The following TNFSF15 variants were observed in gnomAD, a reference collection of about 807,000 sequenced individuals.
TNFSF15 encodes TNF superfamily member 15.
A neutral mutation model predicts 26.4 loss-of-function variants in TNFSF15; 15 were observed. The ratio of observed to expected loss-of-function variants is 0.57; its 90% confidence interval spans 0.38 to 0.87. TNFSF15 has a LOEUF of 0.87. Among genes scored for constraint, TNFSF15 ranks in the 40% least tolerant of loss-of-function variants. The pLI, the probability that TNFSF15 is intolerant of heterozygous loss-of-function variation, is 0.00. For synonymous variants in TNFSF15, 116 were observed against 115.0 expected, an observed-to-expected ratio of 1.01 and a Z score of -0.06; for missense variants, 290 against 306.1, an observed-to-expected ratio of 0.95 and a Z score of 0.39.
chr9:114,793,996 C>T (rs1459019665), intron 1 of TNFSF15, among the ~76,000 whole-genome samples: 1 of 152,222 alleles, frequency 6.6e-6, no homozygotes. Flanking sequence ...TTCTCCTTTT[C>T]ATCAGCCTCA....
At chr9:114,805,098 T>G (rs1022174742) in intron 1 of TNFSF15, among the ~76,000 whole-genome samples, 3 of 152,190 alleles carry the variant, frequency 2.0e-5, no homozygotes, top group Non-Finnish European at 4.4e-5. Flanking sequence ...ATATTCTTTT[T>G]CTGACTAGGC....
intron 1 of TNFSF15, among the ~76,000 whole-genome samples, chr9:114,805,522 C>G (rs144532788): frequency 1.0e-3 from 154 of 152,082 alleles, no homozygotes; most frequent in African/African-American, 3.5e-3. Flanking sequence ...TAAAAAGAAT[C>G]TTCCCAAATT....
At chr9:114,796,707 A>T (rs1242628450) in intron 1 of TNFSF15, among the ~76,000 whole-genome samples, 1 of 152,218 alleles carries the variant, frequency 6.6e-6, no homozygotes, top group Non-Finnish European at 1.5e-5. Flanking sequence ...AATACCCTGC[A>T]TCTGTGATGT....
intron 1 of TNFSF15, among the ~76,000 whole-genome samples, chr9:114,798,206 G>A (rs941434586): frequency 1.3e-5 from 2 of 152,190 alleles, no homozygotes; most frequent in African/African-American, 4.8e-5. Context: ...AGGAGCCAGA[G>A]TCAGAAAAGC....
intron 1 of TNFSF15, among the ~76,000 whole-genome samples, chr9:114,797,800 C>G (rs1445334850): frequency 6.6e-6 from 1 of 152,184 alleles, no homozygotes; most frequent in African/African-American, 2.4e-5. Context: ...CATATCTTTT[C>G]AAACCACTGG....
intron 1 of TNFSF15, among the ~76,000 whole-genome samples, chr9:114,795,404 A>C (rs551572199): frequency 5.3e-5 from 8 of 152,294 alleles, no homozygotes; most frequent in African/African-American, 1.9e-4. Flanking sequence ...GATTCAACCA[A>C]CTGTGGATCA....
At chr9:114,791,012 C>T in intron 3 of TNFSF15, 106 bp from the exon 4 acceptor site, 1 of 1,126,338 alleles carries the variant, frequency 8.9e-7, no homozygotes, top group Non-Finnish European at 1.3e-6. Flanking sequence ...ATCGAATATA[C>T]CTAACAGCTA....
In TNFSF15 at chr9:114,789,204, C is replaced by T. The variant is rs935194512; in HGVS notation, c.*1248G>A. ...TCTGTCTTCAGGTTTCTTCAGGGAACTAATCAGCTGGCTATCTTCCAGTCA... is the reference window on the plus strand; with the variant it reads ...TCTGTCTTCAGGTTTCTTCAGGGAATTAATCAGCTGGCTATCTTCCAGTCA... On this transcript the variant is annotated 3_prime_UTR_variant, in exon 4 of 4. Coordinates refer to ENST00000374045, the MANE Select transcript of TNFSF15 (RefSeq NM_005118.4). 1 of 152,282 alleles carries T rather than the reference C, an allele frequency of 6.6e-6. No homozygotes were observed. Among genetic ancestry groups the T allele is most frequent in the Non-Finnish European group, 1.5e-5 (1 of 68,058 alleles). The allele number at this position is 152,282 out of a possible 1,614,324, so 9.4% of individuals were successfully genotyped here.
rs564336577 is a variant in TNFSF15 at position 114,787,249 on chromosome 9, A to C, written c.*3203T>G. 6.6e-6 allele frequency: 1 copy of C among 152,238 alleles called. No individual in the cohort carries two copies. Among genetic ancestry groups the C allele is most frequent in the Non-Finnish European group, 1.5e-5 (1 of 68,042 alleles). The allele number at this position is 152,238 out of a possible 1,614,324, so 9.4% of individuals were successfully genotyped here. A position where few individuals can be genotyped will look rare whatever the true frequency, so the allele number is the denominator to read the frequency against. On this transcript the variant is annotated 3_prime_UTR_variant, in exon 4 of 4. Transcript: ENST00000374045. ...ATCCTTGAGTAGCTATTTTTAAAAA[A>C]ACACTTCGAGTAAACACAAATCATT...
At chr9:114,801,077 T>C (rs1273017770) in intron 1 of TNFSF15, among the ~76,000 whole-genome samples, 1 of 152,076 alleles carries the variant, frequency 6.6e-6, no homozygotes, top group South Asian at 2.1e-4. Context: ...GAAGGACAGG[T>C]TGGGCAGTGG....
chr9:114,793,186 T>G (rs1829630281), intron 2 of TNFSF15, among the ~76,000 whole-genome samples: 1 of 152,248 alleles, frequency 6.6e-6, no homozygotes. Flanking sequence ...ACTGATTTAA[T>G]TCACATTAAC....
chr9:114,794,542 G>A (rs1340573062), intron 1 of TNFSF15, among the ~76,000 whole-genome samples: 1 of 152,096 alleles, frequency 6.6e-6, no homozygotes, highest in Non-Finnish European at 1.5e-5. Context: ...GAAAAGAAAT[G>A]AATATATCAA....
chr9:114,790,379 T>C lies in TNFSF15; in HGVS notation c.*73A>G. On this transcript the variant is annotated 3_prime_UTR_variant, in exon 4 of 4. Coordinates refer to ENST00000374045, the MANE Select transcript of TNFSF15 (RefSeq NM_005118.4). Reference sequence around the variant, plus strand: ...CCGGCCCCAAGAAAACCCCTGGTTATAATTACATTTGAACAAAGAAAATTA... The same window carrying C: ...CCGGCCCCAAGAAAACCCCTGGTTACAATTACATTTGAACAAAGAAAATTA... 3 of 1,441,066 alleles carry C rather than the reference T, an allele frequency of 2.1e-6. No homozygotes were observed. Among genetic ancestry groups the C allele is most frequent in the Non-Finnish European group, 1.9e-6 (2 of 1,066,368 alleles). 89.3% of individuals were successfully genotyped at this position (1,441,066 alleles called of 1,614,324 possible).
rs946470607 is a variant in TNFSF15, at chr9:114,785,316, A to G, written c.*5136T>C. 3.9e-5 allele frequency: 6 copies of G among 152,196 alleles called. No individual in the cohort carries two copies. The highest frequency in any genetic ancestry group is 1.4e-4 in the African/African-American group (6 of 41,454). 9.4% of individuals were successfully genotyped at this position (152,196 alleles called of 1,614,324 possible). ...TGGAATAAACTCCGCAGATACTGTC[A>G]TTTCTAAAATTCCATGACATTTCTC... On this transcript the variant is annotated 3_prime_UTR_variant, in exon 4 of 4. Coordinates refer to ENST00000374045, the MANE Select transcript of TNFSF15 (RefSeq NM_005118.4).
chr9:114,792,224 TACACAC>T (rs142936750), intron 3 of TNFSF15, 177 bp downstream of exon 3: 68,391 of 554,498 alleles, frequency 0.12, 1,703 homozygotes, highest in African/African-American at 0.18. Context: ...CATATGTGTG[TACACAC>T]ACACACACAC....
At chr9:114,791,032 T>C (rs1010723103) in intron 3 of TNFSF15, 126 bp from the exon 4 acceptor site, 2 of 854,574 alleles carry the variant, frequency 2.3e-6, no homozygotes, top group African/African-American at 1.7e-5. Context: ...AAAAACTGCT[T>C]TGGGGAGGAA....
intron 1 of TNFSF15, among the ~76,000 whole-genome samples, chr9:114,804,200 T>A (rs1829786118): frequency 1.3e-5 from 2 of 152,180 alleles, no homozygotes; most frequent in South Asian, 4.1e-4. Context: ...CCTTATTCAT[T>A]TCTTGAGCAT....
chr9:114,793,052 A>G (rs1209088736), intron 2 of TNFSF15, among the ~76,000 whole-genome samples: 1 of 152,200 alleles, frequency 6.6e-6, no homozygotes, highest in Admixed American at 6.5e-5. Context: ...CAGAAATATT[A>G]TGTTGGATTA....
rs1829507050 is a variant in TNFSF15, at chr9:114,786,718, C to T, written c.*3734G>A. 1 of 151,946 alleles carries T rather than the reference C, an allele frequency of 6.6e-6. No individual in the cohort carries two copies. The highest frequency in any genetic ancestry group is 2.1e-4 in the South Asian group (1 of 4,820). 9.4% of individuals were successfully genotyped at this position (151,946 alleles called of 1,614,324 possible). A position where few individuals can be genotyped will look rare whatever the true frequency, so the allele number is the denominator to read the frequency against. On this transcript the variant is annotated 3_prime_UTR_variant, in exon 4 of 4. Transcript: ENST00000374045. ...ACGAGGTCAGGAGATCGAGACCATC[C>T]TGGCTAACACGGTGAAACCCCGTCT...
Sources: allele counts gnomAD v4.1 joint callset (sites outside exome capture counted in the v4.1 genomes callset), GRCh38; gene constraint gnomAD v4.1.1; transcripts MANE v1.5; gene names NCBI Gene and HGNC (gene_info 2026-07-23, HGNC 2026-07-21).